The following ESR1 variants were observed in gnomAD, a reference collection of about 807,000 sequenced individuals.
The protein encoded by ESR1 is estrogen receptor 1, also known as estrogen receptor.
A neutral mutation model predicts 52.7 loss-of-function variants in ESR1; 12 were observed. The ratio of observed to expected loss-of-function variants is 0.23; its 90% CI spans 0.15 to 0.37. The LOEUF is 0.37. Ranked by LOEUF, ESR1 falls within the 10% of genes least tolerant of loss-of-function variation. The pLI is 1.00. For synonymous variants in ESR1, 305 were observed against 316.8 expected (o/e 0.96, Z 0.39); for missense variants, 584 against 779.7 (o/e 0.75, Z 2.99).
chr6:151,959,703 T>TTA (rs397938454), intron 4 of ESR1, among the ~76,000 whole-genome samples: 2 of 152,030 alleles, frequency 1.3e-5, no homozygotes, highest in Non-Finnish European at 2.9e-5. Context: ...CTTTTTTTTT[T>TTA]AATTAGAAAA....
chr6:151,961,850 G>A (rs74912803), intron 4 of ESR1, among the ~76,000 whole-genome samples: 2,404 of 152,270 alleles, frequency 0.016, 52 homozygotes, highest in East Asian at 0.094. Flanking sequence ...AAGCCCACCC[G>A]GTGTTGGGTT....
chr6:151,848,566 T>C lies in ESR1; in HGVS notation c.643+5779T>C, dbSNP rs538166101. ...TGTTCACTTAAAGTGGATTGGTTCT[T>C]ACATTTATTTTCATAGTTGTGTCTG... On this transcript the variant is annotated intron_variant, in intron 2 of 7. Coordinates refer to ENST00000206249, the MANE Select transcript of ESR1 (RefSeq NM_000125.4). Among the ~76,000 whole-genome samples, 38 of 152,272 alleles carry C rather than the reference T, an allele frequency of 2.5e-4. 1 individual carries two copies. In the South Asian group the frequency reaches 7.9e-3, roughly 32 times the overall value.
chr6:151,878,797 A>G (rs893389081), intron 2 of ESR1, among the ~76,000 whole-genome samples: 4 of 152,190 alleles, frequency 2.6e-5, no homozygotes, highest in East Asian at 3.8e-4. Flanking sequence ...ACTTATGCAG[A>G]CAGACTTTAT....
chr6:151,989,269 T>C (rs1271838247), intron 4 of ESR1, among the ~76,000 whole-genome samples: 1 of 152,092 alleles, frequency 6.6e-6, no homozygotes, highest in African/African-American at 2.4e-5. Context: ...TATTGTCTAG[T>C]TGATAAAAAA....
chr6:152,056,379 T>G (rs34719428), intron 5 of ESR1, among the ~76,000 whole-genome samples: 25 of 152,226 alleles, frequency 1.6e-4, no homozygotes, highest in African/African-American at 5.5e-4. Context: ...TTAAATGTCT[T>G]ATGTTGATCC....
In ESR1 at chr6:152,053,155, G is replaced by A. The variant is rs376143947; in HGVS notation, c.1236-7836G>A. 1.4e-4 allele frequency among the ~76,000 whole-genome samples: 22 copies of A among 152,242 alleles called. No homozygotes were observed. Among genetic ancestry groups the A allele is most frequent in the African/African-American group, 5.1e-4 (21 of 41,548 alleles). On this transcript the variant is annotated intron_variant, in intron 5 of 7. Coordinates refer to ENST00000206249, the MANE Select transcript of ESR1 (RefSeq NM_000125.4). The surrounding 1 kb of genome is among the most constrained non-coding windows in gnomAD (Gnocchi z 4.1). The stretch of plus-strand genomic sequence containing the variant: ...GAAAAAGGTATTTCTCTCCTGTGAT[G>A]ATATTGATTCTGCACTCATCTATTT...
chr6:152,035,333 C>T (rs1038899426), intron 5 of ESR1, among the ~76,000 whole-genome samples: 2 of 151,128 alleles, frequency 1.3e-5, no homozygotes, highest in African/African-American at 4.8e-5. Flanking sequence ...CATTTTATAG[C>T]AGCAATCAAA....
intron 6 of ESR1, among the ~76,000 whole-genome samples, chr6:152,068,500 C>G (rs1438412098): frequency 2.0e-5 from 3 of 151,236 alleles, no homozygotes; most frequent in African/African-American, 7.4e-5. Context: ...GCAATTATCC[C>G]AGAGTGGTGC....
At chr6:151,956,291 G>T (rs961897258) in intron 4 of ESR1, among the ~76,000 whole-genome samples, 1 of 151,802 alleles carries the variant, frequency 6.6e-6, no homozygotes, top group African/African-American at 2.4e-5. Flanking sequence ...AGTTCTTTTA[G>T]TTCTGTGTGT....
intron 3 of ESR1, among the ~76,000 whole-genome samples, chr6:151,917,399 A>C (rs887385382): frequency 6.6e-6 from 1 of 152,232 alleles, no homozygotes; most frequent in African/African-American, 2.4e-5. Flanking sequence ...CTTTCTTCTC[A>C]GCCCATAAAT....
At chr6:151,867,604 A>G (rs1024014033) in intron 2 of ESR1, among the ~76,000 whole-genome samples, 1 of 152,234 alleles carries the variant, frequency 6.6e-6, no homozygotes, top group African/African-American at 2.4e-5. Context: ...ATGACATACT[A>G]TCTCACACCA....
At chr6:151,947,183 G>A (rs1315249333) in intron 4 of ESR1, among the ~76,000 whole-genome samples, 1 of 152,138 alleles carries the variant, frequency 6.6e-6, no homozygotes, top group Non-Finnish European at 1.5e-5. Context: ...GCCAGGCTTG[G>A]TGGCACACAT....
At chr6:151,708,489 GT>G (rs1780345027) in intron 2 of ESR1, among the ~76,000 whole-genome samples, 1 of 152,030 alleles carries the variant, frequency 6.6e-6, no homozygotes. Context: ...ATTTCTATTG[GT>G]TTTTTCATAT....
At chr6:151,722,161 G>T (rs556732759) in intron 2 of ESR1, among the ~76,000 whole-genome samples, 1 of 152,356 alleles carries the variant, frequency 6.6e-6, no homozygotes, top group South Asian at 2.1e-4. Flanking sequence ...CTGAACGAGG[G>T]ATCAGTCCTT....
At chr6:151,792,680 C>T (rs1011794735) in intron 2 of ESR1, among the ~76,000 whole-genome samples, 18 of 152,110 alleles carry the variant, frequency 1.2e-4, no homozygotes, top group Admixed American at 1.3e-4. Context: ...CTCAAGCAAT[C>T]CTCCTGCCTC....
intron 2 of ESR1, among the ~76,000 whole-genome samples, chr6:151,767,358 C>T (rs919978253): frequency 6.6e-6 from 1 of 152,156 alleles, no homozygotes; most frequent in South Asian, 2.1e-4. Flanking sequence ...TATTCCCCAC[C>T]TCCTTCCCTA....
intron 2 of ESR1, among the ~76,000 whole-genome samples, chr6:151,765,373 TTAAAA>T (rs1406636872): frequency 6.6e-6 from 1 of 152,204 alleles, no homozygotes; most frequent in Non-Finnish European, 1.5e-5. Flanking sequence ...ATGAAATTAA[TTAAAA>T]TGAAATGAAA....
At chr6:151,736,774 G>A (rs1782713143) in intron 2 of ESR1, among the ~76,000 whole-genome samples, 1 of 152,082 alleles carries the variant, frequency 6.6e-6, no homozygotes, top group South Asian at 2.1e-4. Context: ...TTACAGATAG[G>A]AAAGCGGTAC....
intron 4 of ESR1, among the ~76,000 whole-genome samples, chr6:151,976,259 A>G (rs1235726730): frequency 6.6e-6 from 1 of 152,158 alleles, no homozygotes; most frequent in Non-Finnish European, 1.5e-5. Flanking sequence ...ATTTGATACC[A>G]TCGTGACTTA....
Sources: gnomAD v4.1 joint callset for allele counts (sites outside exome capture counted in the v4.1 genomes callset) on GRCh38, gnomAD v4.1.1 for gene constraint, Gnocchi (gnomAD v3.1) non-coding constraint, MANE v1.5 for transcripts, NCBI Gene and HGNC (gene_info 2026-07-23, HGNC 2026-07-21) for gene names.